The following MYH2 variants were observed in gnomAD, a reference collection of about 807,000 sequenced individuals.
The protein encoded by MYH2 is myosin heavy chain 2.
MYH2 carries 139 observed loss-of-function variants against 228.1 expected under a neutral mutation model. The ratio of observed to expected loss-of-function variants is 0.61; its 90% CI spans 0.53 to 0.70. MYH2 has a LOEUF of 0.70. Ranked by LOEUF, MYH2 falls within the 30% of genes least tolerant of loss-of-function variation. The pLI is 0.00. For missense variants in MYH2, 1,809 were observed against 2,357.5 expected (o/e 0.77, Z 4.82); for synonymous variants, 796 against 871.1 (o/e 0.91, Z 1.52).
intron 19 of MYH2, 112 bp downstream of exon 19, chr17:10,534,961 C>T (rs1183496069): frequency 1.3e-5 from 17 of 1,314,078 alleles, no homozygotes; most frequent in Non-Finnish European, 1.9e-5. Context: ...TTTTTTACTT[C>T]TTTTTGTGAC....
intron 5 of MYH2, among the ~76,000 whole-genome samples, 191 bp from the exon 6 acceptor site, chr17:10,544,318 C>A (rs1309726957): frequency 6.6e-6 from 1 of 152,200 alleles, no homozygotes; most frequent in Non-Finnish European, 1.5e-5. Context: ...CAGAACACCA[C>A]TACTTTTATT....
At chr17:10,534,648 G>T (rs1379012758) in intron 19 of MYH2, among the ~76,000 whole-genome samples, 1 of 152,220 alleles carries the variant, frequency 6.6e-6, no homozygotes, top group Non-Finnish European at 1.5e-5. Context: ...TGGGCATGGT[G>T]GCTCATGCCT....
chr17:10,545,677 A>C (rs1027414398), intron 4 of MYH2, among the ~76,000 whole-genome samples, 175 bp from the exon 5 acceptor site: 1 of 151,946 alleles, frequency 6.6e-6, no homozygotes, highest in African/African-American at 2.4e-5. Context: ...CAATCCTCCC[A>C]CCTCACCCTT....
intron 10 of MYH2, among the ~76,000 whole-genome samples, chr17:10,541,732 C>T (rs536615303): frequency 2.0e-5 from 3 of 152,166 alleles, no homozygotes; most frequent in South Asian, 4.2e-4. Context: ...TGTGATGTCT[C>T]CCCCAGATAC....
At position 10,537,483 on chromosome 17, in the gene MYH2, G is replaced by C. The variant is rs2142310791; in HGVS notation, c.1647C>G (p.Thr549=). 2 of 1,614,216 alleles carry C rather than the reference G, an allele frequency of 1.2e-6. No individual in the cohort carries two copies. Among genetic ancestry groups the C allele is most frequent in the Non-Finnish European group, 8.5e-7 (1 of 1,180,042 alleles). The part of the protein sequence containing the change: ...EECMFPKATD[T]SFKNKLYDQH... ...GGTCATACAGCTTGTTCTTGAAGGA[G>C]GTGTCTGTTGCCTTAGGGAACATGC... Residue 549 remains threonine, a synonymous_variant, in exon 16 of 40, where the codon ACC becomes ACG. Coordinates refer to ENST00000245503, the MANE Select transcript of MYH2 (RefSeq NM_017534.6). This position sits in a 1 kb window ranked among gnomAD's most constrained non-coding sequence, Gnocchi z 4.0.
chr17:10,545,209 A>G, intron 5 of MYH2, 137 bp downstream of exon 5: 1 of 1,535,448 alleles, frequency 6.5e-7, no homozygotes, highest in Non-Finnish European at 9.0e-7. Context: ...CCCTTCCTGG[A>G]CCTTCTCCTT....
chr17:10,542,273 CAACAAACA>C (rs71365774), intron 10 of MYH2, among the ~76,000 whole-genome samples: 10 of 150,916 alleles, frequency 6.6e-5, no homozygotes, highest in African/African-American at 1.7e-4. Context: ...GACTCCATCT[CAACAAACA>C]AACAAACAAA....
chr17:10,547,491 G>A lies in MYH2; in HGVS notation c.332C>T (p.Ala111Val), dbSNP rs140468333. Reference sequence around the variant, plus strand: ...GACACTCACGTAGATCATCCAGGCTGCATAACGTTCTTTGAGGTTGTACAG... The same window carrying A: ...GACACTCACGTAGATCATCCAGGCTACATAACGTTCTTTGAGGTTGTACAG... ...AVLYNLKERY[A>V]AWMIYTYSGL... The change falls in exon 4 of 40, where the codon GCA becomes GTA. Residue 111 changes from alanine to valine, a missense_variant. By Grantham distance (64) the Ala-to-Val change is moderately conservative. This residue lies in a region of MYH2 where 373 missense variants were observed against 620.4 expected (regional missense o/e 0.60). Transcript: ENST00000245503. The A allele has an allele frequency of 4.0e-4, 644 of 1,614,140 alleles. 1 individual carries two copies. The highest frequency in any genetic ancestry group is 2.3e-3 in the Middle Eastern group (14 of 6,062).
intron 14 of MYH2, 53 bp downstream of exon 14, chr17:10,539,152 A>C (rs2073519573): frequency 5.6e-6 from 9 of 1,613,008 alleles, no homozygotes; most frequent in Non-Finnish European, 8.5e-7. Context: ...CTTCATATAG[A>C]TATTTCCATT....
chr17:10,531,770 C>T lies in MYH2; in HGVS notation c.2560G>A (p.Glu854Lys). The T allele has an allele frequency of 1.9e-6, 3 of 1,614,218 alleles. No homozygotes were observed. Among genetic ancestry groups the T allele is most frequent in the Non-Finnish European group, 2.5e-6 (3 of 1,180,042 alleles). The change falls in exon 22 of 40, where the codon GAG becomes AAG. Residue 854 changes from glutamate (E) to lysine (K), a missense_variant. Physicochemically the swap from Glu to Lys is moderately conservative, Grantham distance 56. Transcript: ENST00000245503. ...PLLKSAETEK[E>K]MATMKEEFQK... ...AATTCTTCCTTCATGGTGGCCATCT[C>T]CTTCTCAGTTTCTGCACTCTTCAAC...
chr17:10,544,995 G>A (rs1248388291), intron 5 of MYH2, among the ~76,000 whole-genome samples: 1 of 147,548 alleles, frequency 6.8e-6, no homozygotes, highest in Non-Finnish European at 1.5e-5. Context: ...CAGTTTGTAT[G>A]TGTGATTGTG....
In MYH2 at chr17:10,547,361, C is replaced by T; in HGVS notation, c.348+114G>A. 18 of 1,339,780 alleles carry T rather than the reference C, an allele frequency of 1.3e-5. No homozygotes were observed. In the South Asian group the frequency reaches 1.9e-4, roughly 14 times the overall value. The allele number at this position is 1,339,780 out of a possible 1,614,324, so 83.0% of individuals were successfully genotyped here. On this transcript the variant is annotated intron_variant, in intron 4 of 39. Coordinates refer to ENST00000245503, the MANE Select transcript of MYH2 (RefSeq NM_017534.6). Reference sequence around the variant, plus strand: ...TCATGAAGCCTTTTAACTAGTTATGCTGCAATGAAAGTGAAATGGGTCACT... The same window carrying T: ...TCATGAAGCCTTTTAACTAGTTATGTTGCAATGAAAGTGAAATGGGTCACT...
chr17:10,535,057 A>G lies in MYH2; in HGVS notation c.2180+16T>C, dbSNP rs745648454. 1.2e-6 allele frequency: 2 copies of G among 1,612,324 alleles called. No individual in the cohort carries two copies. The highest frequency in any genetic ancestry group is 1.7e-6 in the Non-Finnish European group (2 of 1,178,456). ...ATATTAAACTTCAGAATACACCATAATCAGGAGAAACTGACCTCTGTTTGA... is the reference window on the plus strand; with the variant it reads ...ATATTAAACTTCAGAATACACCATAGTCAGGAGAAACTGACCTCTGTTTGA... On this transcript the variant is annotated intron_variant, in intron 19 of 39. Coordinates refer to ENST00000245503, the MANE Select transcript of MYH2 (RefSeq NM_017534.6).
rs368457931 is a variant in MYH2, at chr17:10,543,693, C to T, written c.741+18G>A. The T allele has an allele frequency of 1.1e-5, 17 of 1,613,736 alleles. No individual in the cohort carries two copies. The highest frequency in any genetic ancestry group is 5.3e-5 in the African/African-American group (4 of 74,924). ...TTGACCAGTGAACAGCATCTATTAG[C>T]GTGTCCAAGAGACTTACAAAGCGAG... On this transcript the variant is annotated intron_variant, in intron 8 of 39. Coordinates refer to ENST00000245503, the MANE Select transcript of MYH2 (RefSeq NM_017534.6).
chr17:10,531,538 T>C, intron 22 of MYH2, 95 bp downstream of exon 22: 1 of 1,540,186 alleles, frequency 6.5e-7, no homozygotes, highest in Non-Finnish European at 9.0e-7. Flanking sequence ...CCAATGAGTG[T>C]CTCCCTTGCA....
In MYH2 at chr17:10,528,969, C is replaced by G; in HGVS notation, c.3465G>C (p.Arg1155Ser). The change falls in exon 27 of 40, where the codon AGG becomes AGC. Residue 1155 changes from arginine to serine, a missense_variant. By Grantham distance (110) the Arg-to-Ser change is moderately radical (BLOSUM62 -1). Around this residue, in one of 9 missense-constraint regions of MYH2, gnomAD observed 636 missense variants for 729.9 expected, o/e 0.87. Transcript: ENST00000245503. ...AAGTGGCCCCACCGGCTTCTTCCAG[C>G]CTCTCGCTGATCTCCTCCAGCTCCC... Reference protein sequence around the residue: ...LSRELEEISERLEEAGGATSA... With the variant: ...LSRELEEISESLEEAGGATSA... 4 of 1,614,192 alleles carry G rather than the reference C, an allele frequency of 2.5e-6. No homozygotes were observed. Among genetic ancestry groups the G allele is most frequent in the Non-Finnish European group, 3.4e-6 (4 of 1,180,048 alleles).
chr17:10,545,575 GT>G (rs1567737559), intron 4 of MYH2, 73 bp from the exon 5 acceptor site: 30 of 1,583,106 alleles, frequency 1.9e-5, no homozygotes, highest in Non-Finnish European at 2.5e-5. Context: ...TTAATTGAAT[GT>G]TTTTTTGAGA....
At chr17:10,526,496 T>C in intron 30 of MYH2, 103 bp downstream of exon 30, 1 of 1,557,212 alleles carries the variant, frequency 6.4e-7, no homozygotes, top group African/African-American at 1.4e-5. Context: ...TAAAAGCAGA[T>C]TAATGAGCAT....
At position 10,539,322 on chromosome 17, in the gene MYH2, G is replaced by A. The variant is rs756995439; in HGVS notation, c.1299C>T (p.Ala433=). Residue 433 remains alanine, a synonymous_variant, in exon 14 of 40, where the codon GCC becomes GCT. Transcript: ENST00000245503. Reference sequence around the variant, plus strand: ...TCCACAGGAACATCTTCTCGTAGACGGCTTTGGCCAGAGCACCTACTGCGT... The same window carrying A: ...TCCACAGGAACATCTTCTCGTAGACAGCTTTGGCCAGAGCACCTACTGCGT... The part of the protein sequence containing the change: ...VSNAVGALAK[A]VYEKMFLWMV... The A allele has an allele frequency of 1.4e-5, 23 of 1,614,140 alleles. No individual in the cohort carries two copies. Among genetic ancestry groups the A allele is most frequent in the Middle Eastern group, 1.6e-4 (1 of 6,062 alleles).
Sources: allele counts gnomAD v4.1 joint callset (sites outside exome capture counted in the v4.1 genomes callset), GRCh38; gene constraint gnomAD v4.1.1; regional missense constraint gnomAD v4.1.1; non-coding constraint Gnocchi (gnomAD v3.1); transcripts MANE v1.5; gene names NCBI Gene and HGNC (gene_info 2026-07-23, HGNC 2026-07-21).